The following TOGARAM1 variants were observed in gnomAD, a reference collection of about 807,000 sequenced individuals.
TOGARAM1 encodes TOG array regulator of axonemal microtubules protein 1.
TOGARAM1 carries 100 observed loss-of-function variants against 166.6 expected under a neutral mutation model. The ratio of observed to expected loss-of-function variants is 0.60; its 90% CI spans 0.51 to 0.71. TOGARAM1 has a LOEUF of 0.71. TOGARAM1 is among the 30% of genes least tolerant of loss of function. TOGARAM1 has a pLI of 0.00. For synonymous variants in TOGARAM1, 758 were observed against 763.8 expected, an observed-to-expected ratio of 0.99 and a Z score of 0.13; for missense variants, 2,029 against 2,102.7, an observed-to-expected ratio of 0.96 and a Z score of 0.69.
rs116751934 is a variant in TOGARAM1 at position 45,014,652 on chromosome 14, A to G, written c.3238+2577A>G. ...TAAACACAAAAATAACAATTATTTT[A>G]AAATTCCACCTATGTTCTGCCACTA... is the stretch of plus-strand genomic sequence containing the variant. On this transcript the variant is annotated intron_variant, in intron 7 of 19. Transcript: ENST00000361462. Among the ~76,000 whole-genome samples the G allele has an allele frequency of 5.5e-3, 838 of 152,294 alleles. 8 individuals are homozygous for G. Among genetic ancestry groups the G allele is most frequent in the African/African-American group, 0.019 (801 of 41,558 alleles).
chr14:44,982,119 C>T (rs1022130376), intron 1 of TOGARAM1, among the ~76,000 whole-genome samples: 6 of 152,180 alleles, frequency 3.9e-5, no homozygotes, highest in Non-Finnish European at 5.9e-5. Flanking sequence ...ACTGGGATTA[C>T]AGGCATAAGC....
intron 16 of TOGARAM1, among the ~76,000 whole-genome samples, chr14:45,060,179 A>C (rs1882840555): frequency 6.7e-6 from 1 of 148,680 alleles, no homozygotes; most frequent in African/African-American, 2.5e-5. Flanking sequence ...CAGCCTCCCA[A>C]AGTGCTGGGA....
In TOGARAM1 at chr14:45,012,087, C is replaced by G; in HGVS notation, c.3238+12C>G. 1 of 1,463,154 alleles carries G rather than the reference C, an allele frequency of 6.8e-7. No individual in the cohort carries two copies. The highest frequency in any genetic ancestry group is 9.3e-7 in the Non-Finnish European group (1 of 1,075,858). 90.6% of individuals were successfully genotyped at this position (1,463,154 alleles called of 1,614,324 possible). On this transcript the variant is annotated intron_variant, in intron 7 of 19. Transcript: ENST00000361462. ...AAGCCCCAGTGCAGGTATTCTATGT[C>G]TGTTTATAAAAATAATTTATAAAAT...
intron 16 of TOGARAM1, among the ~76,000 whole-genome samples, chr14:45,058,986 G>A (rs1226635907): frequency 6.6e-6 from 1 of 152,022 alleles, no homozygotes; most frequent in Non-Finnish European, 1.5e-5. Context: ...GCCCATTTGG[G>A]TATTTCTTAT....
chr14:45,029,272 G>A (rs1473538504), intron 10 of TOGARAM1, among the ~76,000 whole-genome samples: 1 of 152,096 alleles, frequency 6.6e-6, no homozygotes, highest in African/African-American at 2.4e-5. Context: ...TTCAGGGAGA[G>A]AAAAACCCAC....
intron 10 of TOGARAM1, among the ~76,000 whole-genome samples, chr14:45,031,105 A>G (rs879602922): frequency 2.0e-5 from 3 of 152,196 alleles, no homozygotes; most frequent in Admixed American, 1.3e-4. Flanking sequence ...GAAATCTCTT[A>G]TATTTGTGAT....
chr14:45,026,639 T>C (rs1439112187), intron 8 of TOGARAM1, among the ~76,000 whole-genome samples: 1 of 152,120 alleles, frequency 6.6e-6, no homozygotes, highest in Admixed American at 6.6e-5. Flanking sequence ...TCTCCTTCTT[T>C]ACTTTATACA....
At chr14:44,977,809 C>A (rs1023176138) in intron 1 of TOGARAM1, among the ~76,000 whole-genome samples, 20 of 152,160 alleles carry the variant, frequency 1.3e-4, no homozygotes, top group African/African-American at 4.6e-4. Flanking sequence ...CCATGCCCAG[C>A]TAATTTTTTT....
chr14:45,043,928 CATGT>C, intron 12 of TOGARAM1, 137 bp downstream of exon 12: 1 of 572,268 alleles, frequency 1.7e-6, no homozygotes, highest in Non-Finnish European at 3.1e-6. Context: ...TAAAGTAGTC[CATGT>C]CTTAATTTGC....
chr14:45,026,081 T>C (rs1421501534), intron 8 of TOGARAM1, among the ~76,000 whole-genome samples: 2 of 152,212 alleles, frequency 1.3e-5, no homozygotes, highest in Non-Finnish European at 2.9e-5. Context: ...ATTCATGTCA[T>C]TAATTTTCAG....
intron 7 of TOGARAM1, among the ~76,000 whole-genome samples, chr14:45,013,458 T>C (rs549546361): frequency 6.6e-6 from 1 of 152,312 alleles, no homozygotes; most frequent in African/African-American, 2.4e-5. Flanking sequence ...ATAAAACTAG[T>C]GTTAACAAAG....
chr14:44,996,544 G>A (rs1887420917), intron 2 of TOGARAM1: 1 of 152,180 alleles, frequency 6.6e-6, no homozygotes, highest in Non-Finnish European at 1.5e-5. Context: ...TTTTTACTCT[G>A]AATGAGGAGC....
chr14:45,047,234 A>T (rs1882110746), intron 14 of TOGARAM1, among the ~76,000 whole-genome samples: 1 of 151,952 alleles, frequency 6.6e-6, no homozygotes, highest in East Asian at 1.9e-4. Flanking sequence ...TACTAAAAAT[A>T]CAATAAAATT....
chr14:45,027,571 A>C (rs903566912), intron 9 of TOGARAM1, 97 bp downstream of exon 9: 28 of 990,704 alleles, frequency 2.8e-5, no homozygotes, highest in Non-Finnish European at 1.4e-6. Flanking sequence ...ATTTCAATTA[A>C]AATTTAAAAA....
At chr14:44,967,365 C>G (rs1360130588) in intron 1 of TOGARAM1, among the ~76,000 whole-genome samples, 2 of 152,122 alleles carry the variant, frequency 1.3e-5, no homozygotes, top group African/African-American at 2.4e-5. Context: ...ACCCCCCTCC[C>G]CCCACAAAAT....
chr14:45,012,657 G>A (rs1003213871), intron 7 of TOGARAM1, among the ~76,000 whole-genome samples: 5 of 148,420 alleles, frequency 3.4e-5, no homozygotes, highest in South Asian at 2.1e-4. Flanking sequence ...ATTATGATTA[G>A]TAAAACTACG....
intron 11 of TOGARAM1, among the ~76,000 whole-genome samples, chr14:45,038,017 CAAA>C (rs955719032): frequency 6.7e-6 from 1 of 148,606 alleles, no homozygotes; most frequent in Non-Finnish European, 1.5e-5. Context: ...GACTCCATCT[CAAA>C]AAAAAAGAAA....
Position 44,964,223 on chromosome 14 carries a change from C to CA in TOGARAM1, c.1805dup (p.Asn602LysfsTer16). Reference sequence around the variant, plus strand: ...ATGCCATCTTCTGCCGGGGGTAGGTCAAACCATTTGGCACATGGAGCAGAT... The same window carrying CA: ...ATGCCATCTTCTGCCGGGGGTAGGTCAAAACCATTTGGCACATGGAGCAGAT... On this transcript the variant is annotated frameshift_variant, in exon 1 of 20. Coordinates refer to ENST00000361462, the MANE Select transcript of TOGARAM1 (RefSeq NM_001308120.2). LOFTEE classifies it high-confidence loss of function. The CA allele has an allele frequency of 6.2e-7, 1 of 1,614,138 alleles. No homozygotes were observed.
At chr14:44,988,022 A>C (rs947001898) in intron 1 of TOGARAM1, among the ~76,000 whole-genome samples, 2 of 150,742 alleles carry the variant, frequency 1.3e-5, no homozygotes, top group Non-Finnish European at 3.0e-5. Context: ...ACCAAACATC[A>C]CATGTTCTCA....
Sources: allele counts gnomAD v4.1 joint callset (sites outside exome capture counted in the v4.1 genomes callset), GRCh38; gene constraint gnomAD v4.1.1; transcripts MANE v1.5; gene names NCBI Gene and HGNC (gene_info 2026-07-23, HGNC 2026-07-21).